The following BMPR2 variants were observed in gnomAD, a reference collection of about 807,000 sequenced individuals.
BMPR2 encodes bone morphogenetic protein receptor type-2.
Under a neutral mutation model 100.8 loss-of-function variants are expected in BMPR2, and 29 were observed. The ratio of observed to expected loss-of-function variants is 0.29; its 90% CI spans 0.21 to 0.39. The LOEUF is 0.39. BMPR2 is among the 10% of genes least tolerant of loss of function. The pLI is 1.00. For missense variants in BMPR2, 1,011 were observed against 1,274.5 expected (o/e 0.79, Z 3.15); for synonymous variants, 382 against 442.3 (o/e 0.86, Z 1.71).
intron 1 of BMPR2, among the ~76,000 whole-genome samples, chr2:202,417,979 A>G (rs1215064158): frequency 6.6e-6 from 1 of 151,410 alleles, no homozygotes; most frequent in East Asian, 1.9e-4. Flanking sequence ...TGGCCTCCCA[A>G]AGTGCTGGGA....
intron 1 of BMPR2, among the ~76,000 whole-genome samples, chr2:202,440,230 TG>T (rs1364034253): frequency 6.6e-6 from 1 of 150,706 alleles, no homozygotes; most frequent in Non-Finnish European, 1.5e-5. Flanking sequence ...AATGAGCTGT[TG>T]GGTACACCTC....
At chr2:202,483,955 A>C (rs1471520846) in intron 3 of BMPR2, among the ~76,000 whole-genome samples, 3 of 152,208 alleles carry the variant, frequency 2.0e-5, no homozygotes, top group Admixed American at 6.5e-5. Flanking sequence ...TTAGCTGGGC[A>C]TAGTGGTGCA....
intron 3 of BMPR2, among the ~76,000 whole-genome samples, chr2:202,509,858 G>C (rs1687588460): frequency 2.0e-5 from 3 of 151,840 alleles, no homozygotes. Context: ...AAGTAATATG[G>C]TTCAGTTCTT....
chr2:202,530,720 A>C, intron 7 of BMPR2, 74 bp from the exon 8 acceptor site: 1 of 1,324,232 alleles, frequency 7.6e-7, no homozygotes, highest in Non-Finnish European at 1.1e-6. Flanking sequence ...TACTACTTCT[A>C]TATTTATGTA....
Position 202,520,381 on chromosome 2 carries a change from G to A in BMPR2, c.967+180G>A, listed in dbSNP as rs1049094961. The A allele has an allele frequency of 5.3e-5, 33 of 626,578 alleles. No individual in the cohort carries two copies. The East Asian group carries it at 5.9e-4, about 11-fold the overall frequency. The allele number at this position is 626,578 out of a possible 1,614,324, so 38.8% of individuals were successfully genotyped here. On this transcript the variant is annotated intron_variant, in intron 7 of 12. Transcript: ENST00000374580. ...AATGTAACAGAAAGAGCTTTCCCAC[G>A]CAGCTGCCAAGATGGCAGAGGGGCA... is the stretch of plus-strand genomic sequence containing the variant.
chr2:202,425,362 A>G (rs1691365120), intron 1 of BMPR2, among the ~76,000 whole-genome samples: 1 of 152,196 alleles, frequency 6.6e-6, no homozygotes, highest in African/African-American at 2.4e-5. Context: ...AACAGAAGCG[A>G]GGTACAGAAA....
Position 202,542,584 on chromosome 2 carries a change from T to G in BMPR2, c.1413+137T>G. 7.8e-6 allele frequency: 9 copies of G among 1,148,002 alleles called. No individual in the cohort carries two copies. The South Asian group carries it at 1.3e-4, about 17-fold the overall frequency. The allele number at this position is 1,148,002 out of a possible 1,614,324, so 71.1% of individuals were successfully genotyped here. A position where few individuals can be genotyped will look rare whatever the true frequency, so the allele number is the denominator to read the frequency against. On this transcript the variant is annotated intron_variant, in intron 10 of 12. Coordinates refer to ENST00000374580, the MANE Select transcript of BMPR2 (RefSeq NM_001204.7). ...TGCCACAAATCAAACTTGATTTTTA[T>G]GATGTTTTCAAATTTTTCAATATGA...
At chr2:202,517,973 T>G (rs1463857954) in intron 5 of BMPR2, among the ~76,000 whole-genome samples, 1 of 117,872 alleles carries the variant, frequency 8.5e-6, no homozygotes, top group African/African-American at 3.3e-5. Flanking sequence ...CCACCACGCC[T>G]GACTTTTTTT....
Position 202,377,474 on chromosome 2 carries a change from G to C in BMPR2, c.-1G>C. The stretch of plus-strand genomic sequence containing the variant: ...CCTCCTGATTCTTGGCTGGCCCAGG[G>C]ATGACTTCCTCGCTGCAGCGGCCCT... On this transcript the variant is annotated 5_prime_UTR_variant, in exon 1 of 13. Transcript: ENST00000374580. 1 of 1,614,250 alleles carries C rather than the reference G, an allele frequency of 6.2e-7. No individual in the cohort carries two copies. The highest frequency in any genetic ancestry group is 8.5e-7 in the Non-Finnish European group (1 of 1,180,044).
At chr2:202,492,435 C>G (rs1290217345) in intron 3 of BMPR2, among the ~76,000 whole-genome samples, 1 of 152,008 alleles carries the variant, frequency 6.6e-6, no homozygotes, top group Admixed American at 6.6e-5. Context: ...AGTGGTGACT[C>G]ACGCTTGTAA....
intron 9 of BMPR2, among the ~76,000 whole-genome samples, chr2:202,534,913 ACCTC>A (rs1688104839): frequency 1.2e-5 from 1 of 81,816 alleles, no homozygotes; most frequent in Non-Finnish European, 2.4e-5. Flanking sequence ...TGACCCCCCC[ACCTC>A]CCTCCCGGAC....
chr2:202,466,795 G>A (rs1559047267), intron 2 of BMPR2, among the ~76,000 whole-genome samples: 1 of 149,346 alleles, frequency 6.7e-6, no homozygotes, highest in Non-Finnish European at 1.5e-5. Context: ...ATGTGGTATG[G>A]CTGCGTTGCC....
intron 3 of BMPR2, among the ~76,000 whole-genome samples, chr2:202,477,770 G>A (rs1216682495): frequency 6.6e-6 from 1 of 152,110 alleles, no homozygotes; most frequent in Non-Finnish European, 1.5e-5. Context: ...CTGGGCGACA[G>A]AGTGAGACTC....
intron 1 of BMPR2, among the ~76,000 whole-genome samples, chr2:202,460,027 A>G (rs116635509): frequency 0.1 from 15,287 of 152,292 alleles, 1,020 homozygotes; most frequent in South Asian, 0.25. Flanking sequence ...ATCACTGATC[A>G]TTAGAGAAAT....
At position 202,518,873 on chromosome 2, in the gene BMPR2, C is replaced by T. The variant is rs1349280349; in HGVS notation, c.673C>T (p.Arg225Cys). ...GAVYKGSLDE[R>C]PVAVKVFSFA... ...AGTATATAAAGGCTCCTTGGATGAGCGTCCAGTTGCTGTAAAAGTGTTTTC... is the reference window on the plus strand; with the variant it reads ...AGTATATAAAGGCTCCTTGGATGAGTGTCCAGTTGCTGTAAAAGTGTTTTC... Residue 225 changes from arginine (R) to cysteine (C), a missense_variant, in exon 6 of 13, where the codon CGT becomes TGT. Transcript: ENST00000374580. 2 of 1,614,178 alleles carry T rather than the reference C, an allele frequency of 1.2e-6. No homozygotes were observed. Among genetic ancestry groups the T allele is most frequent in the Non-Finnish European group, 1.7e-6 (2 of 1,180,032 alleles).
chr2:202,403,080 G>A (rs1456572410), intron 1 of BMPR2, among the ~76,000 whole-genome samples: 2 of 151,684 alleles, frequency 1.3e-5, no homozygotes, highest in East Asian at 1.9e-4. Context: ...CACCCTCCTC[G>A]GCCTCCCAAA....
chr2:202,544,077 G>C (rs747131799), intron 10 of BMPR2, among the ~76,000 whole-genome samples: 1 of 152,122 alleles, frequency 6.6e-6, no homozygotes, highest in Non-Finnish European at 1.5e-5. Context: ...CAGAGGTGGA[G>C]GTTGCAGCGA....
At chr2:202,413,797 T>G (rs377396987) in intron 1 of BMPR2, among the ~76,000 whole-genome samples, 1 of 152,218 alleles carries the variant, frequency 6.6e-6, no homozygotes, top group East Asian at 1.9e-4. Context: ...CTTGAATAGC[T>G]GGGACCACAG....
chr2:202,511,163 C>A (rs1214867211), intron 3 of BMPR2, among the ~76,000 whole-genome samples: 1 of 152,170 alleles, frequency 6.6e-6, no homozygotes, highest in African/African-American at 2.4e-5. Context: ...CCTATTTCTT[C>A]CTCTCCCAGT....
Sources: allele counts gnomAD v4.1 joint callset (sites outside exome capture counted in the v4.1 genomes callset), GRCh38; gene constraint gnomAD v4.1.1; transcripts MANE v1.5; gene names NCBI Gene and HGNC (gene_info 2026-07-23, HGNC 2026-07-21).